LMTK2: variants seen among roughly 807,000 people sequenced by gnomAD.
LMTK2 encodes lemur tail kinase 2, also known as serine/threonine-protein kinase LMTK2.
A neutral mutation model predicts 127.5 loss-of-function variants in LMTK2; 37 were observed. That is an observed-to-expected ratio of 0.29 (90% CI 0.22 to 0.38). The LOEUF is 0.38. Ranked by LOEUF, LMTK2 falls within the 10% of genes least tolerant of loss-of-function variation. The pLI, the probability that LMTK2 is intolerant of heterozygous loss-of-function variation, is 1.00. For synonymous variants in LMTK2, 819 were observed against 810.1 expected, an observed-to-expected ratio of 1.01 and a Z score of -0.19; for missense variants, 1,694 against 1,920.3, an observed-to-expected ratio of 0.88 and a Z score of 2.20.
intron 1 of LMTK2, among the ~76,000 whole-genome samples, chr7:98,132,528 C>G (rs1392117059): frequency 2.6e-5 from 4 of 152,100 alleles, no homozygotes; most frequent in Admixed American, 6.6e-5. Flanking sequence ...AGATTACAGG[C>G]GTGAGCCACC....
At chr7:98,148,211 C>T (rs1416072703) in intron 3 of LMTK2, among the ~76,000 whole-genome samples, 1 of 151,296 alleles carries the variant, frequency 6.6e-6, no homozygotes, top group African/African-American at 2.4e-5. Flanking sequence ...AAAATTAAGC[C>T]AGGTGTGATG....
intron 1 of LMTK2, among the ~76,000 whole-genome samples, chr7:98,125,595 A>C (rs1796432949): frequency 6.6e-6 from 1 of 152,136 alleles, no homozygotes; most frequent in South Asian, 2.1e-4. Flanking sequence ...TAACCCTCTT[A>C]ACTATTTGGG....
chr7:98,127,286 A>C (rs1362434930), intron 1 of LMTK2, among the ~76,000 whole-genome samples: 6 of 152,184 alleles, frequency 3.9e-5, no homozygotes, highest in Admixed American at 3.9e-4. Flanking sequence ...TCAGGGTGTT[A>C]GAAGAGGAAG....
intron 3 of LMTK2, among the ~76,000 whole-genome samples, chr7:98,150,405 A>G (rs750924500): frequency 6.6e-6 from 1 of 152,204 alleles, no homozygotes; most frequent in Non-Finnish European, 1.5e-5. Context: ...GTGATGGCAA[A>G]GAGACGGAGC....
chr7:98,136,898 A>C (rs1012881412), intron 1 of LMTK2, among the ~76,000 whole-genome samples: 2 of 152,242 alleles, frequency 1.3e-5, no homozygotes, highest in Non-Finnish European at 2.9e-5. Context: ...GCTGAGGGGC[A>C]TGTGGTGATT....
At chr7:98,177,911 G>A (rs528639544) in intron 7 of LMTK2, among the ~76,000 whole-genome samples, 15 of 152,322 alleles carry the variant, frequency 9.8e-5, no homozygotes, top group South Asian at 4.1e-4. Flanking sequence ...CTCCTGGTAC[G>A]TCTCCATCCC....
intron 2 of LMTK2, among the ~76,000 whole-genome samples, chr7:98,138,350 C>T (rs1173000909): frequency 1.3e-5 from 2 of 152,160 alleles, no homozygotes; most frequent in African/African-American, 2.4e-5. Flanking sequence ...TCTTTAGAAC[C>T]TCATGGCTGT....
At position 98,208,865 on chromosome 7, in the gene LMTK2, A is replaced by G. The variant is rs541367495; in HGVS notation, c.*3373A>G. 1 of 152,362 alleles carries G rather than the reference A, an allele frequency of 6.6e-6. No individual in the cohort carries two copies. The highest frequency in any genetic ancestry group is 2.1e-4 in the South Asian group (1 of 4,828). 9.4% of individuals were successfully genotyped at this position (152,362 alleles called of 1,614,324 possible). On this transcript the variant is annotated 3_prime_UTR_variant, in exon 14 of 14. Coordinates refer to ENST00000297293, the MANE Select transcript of LMTK2 (RefSeq NM_014916.4). ...TATAGAAATGGGTTTATCTAAGAAA[A>G]GTCTTGGTTTGTCTTGCTGCTGTAA...
intron 11 of LMTK2, among the ~76,000 whole-genome samples, chr7:98,200,985 C>G (rs1172462914): frequency 6.6e-6 from 1 of 151,788 alleles, no homozygotes; most frequent in Non-Finnish European, 1.5e-5. Flanking sequence ...CTTCTGGAAC[C>G]CTTTCCCTTC....
At chr7:98,181,956 C>T (rs779313342) in intron 7 of LMTK2, among the ~76,000 whole-genome samples, 3 of 152,238 alleles carry the variant, frequency 2.0e-5, no homozygotes, top group African/African-American at 4.8e-5. Context: ...TGCACCCAGC[C>T]GGTCAAATGA....
At chr7:98,129,298 A>G (rs892652144) in intron 1 of LMTK2, among the ~76,000 whole-genome samples, 2 of 152,030 alleles carry the variant, frequency 1.3e-5, no homozygotes, top group African/African-American at 4.8e-5. Context: ...TGAACTCCTG[A>G]GCTCAAGCAC....
At position 98,206,638 on chromosome 7, in the gene LMTK2, A is replaced by C. The variant is rs750945933; in HGVS notation, c.*1146A>C. ...GGAACTCAGGCAGACTCATCTCCGC[A>C]GAGCATACCAGCCGTGGGGGACCGT... On this transcript the variant is annotated 3_prime_UTR_variant, in exon 14 of 14. Coordinates refer to ENST00000297293, the MANE Select transcript of LMTK2 (RefSeq NM_014916.4). The C allele has an allele frequency of 6.6e-6, 1 of 152,210 alleles. No individual in the cohort carries two copies. The highest frequency in any genetic ancestry group is 1.5e-5 in the Non-Finnish European group (1 of 68,044). 9.4% of individuals were successfully genotyped at this position (152,210 alleles called of 1,614,324 possible).
At chr7:98,190,230 T>C (rs982758055) in intron 9 of LMTK2, among the ~76,000 whole-genome samples, 1 of 152,228 alleles carries the variant, frequency 6.6e-6, no homozygotes, top group African/African-American at 2.4e-5. Flanking sequence ...GTCTTCCTCA[T>C]TTTAACAGAA....
At position 98,186,864 on chromosome 7, in the gene LMTK2, T is replaced by C. The variant is rs769758364; in HGVS notation, c.877-13T>C. On this transcript the variant is annotated splice_polypyrimidine_tract_variant and intron_variant, in intron 8 of 13. Coordinates refer to ENST00000297293, the MANE Select transcript of LMTK2 (RefSeq NM_014916.4). ...ATTCTATTCAAAATTCTGTGTGCTT[T>C]CTAACAAAACAGGAGGATTATATTG... 42 of 1,608,548 alleles carry C rather than the reference T, an allele frequency of 2.6e-5. No individual in the cohort carries two copies. The highest frequency in any genetic ancestry group is 3.5e-5 in the Non-Finnish European group (41 of 1,176,934).
chr7:98,133,246 A>G (rs1266100776), intron 1 of LMTK2, among the ~76,000 whole-genome samples: 1 of 152,162 alleles, frequency 6.6e-6, no homozygotes, highest in Non-Finnish European at 1.5e-5. Flanking sequence ...TGTTTGGTAG[A>G]TGACTGGCTC....
intron 7 of LMTK2, among the ~76,000 whole-genome samples, chr7:98,178,867 C>T (rs1460789115): frequency 6.6e-6 from 1 of 152,190 alleles, no homozygotes; most frequent in Non-Finnish European, 1.5e-5. Flanking sequence ...CCTGTTGTTT[C>T]GTGAGGAAAC....
Position 98,192,106 on chromosome 7 carries a change from T to C in LMTK2, c.1641T>C (p.Val547=). 6.4e-7 allele frequency: 1 copy of C among 1,556,342 alleles called. No homozygotes were observed. The highest frequency in any genetic ancestry group is 1.4e-5 in the African/African-American group (1 of 72,776). The change falls in exon 11 of 14, where the codon GTT becomes GTC. Residue 547 remains valine (V), a synonymous_variant. Transcript: ENST00000297293. ...VPVFDAHNLS[V]GSDYYIQLEE... is the part of the protein sequence containing the mutation. ...TTTTTGATGCCCACAACCTTTCTGT[T>C]GGAAGCGACTATTATATCCAGTTAG...
intron 6 of LMTK2, among the ~76,000 whole-genome samples, chr7:98,159,655 A>G (rs1234131050): frequency 6.6e-6 from 1 of 152,206 alleles, no homozygotes; most frequent in Non-Finnish European, 1.5e-5. Flanking sequence ...TTGCCTTACC[A>G]CACTTAATGA....
chr7:98,178,860 G>C (rs1797311755), intron 7 of LMTK2, among the ~76,000 whole-genome samples: 1 of 152,164 alleles, frequency 6.6e-6, no homozygotes, highest in African/African-American at 2.4e-5. Context: ...AGTGCAACCT[G>C]TTGTTTCGTG....
Sources: gnomAD v4.1 joint callset for allele counts (sites outside exome capture counted in the v4.1 genomes callset) on GRCh38, gnomAD v4.1.1 for gene constraint, MANE v1.5 for transcripts, NCBI Gene and HGNC (gene_info 2026-07-23, HGNC 2026-07-21) for gene names.